Variants in HIP1 observed in about 807,000 individuals in gnomAD.
The protein encoded by HIP1 is huntingtin interacting protein 1.
Under a neutral mutation model 147.6 loss-of-function variants are expected in HIP1, and 65 were observed. The ratio of observed to expected loss-of-function variants is 0.44; its 90% CI spans 0.36 to 0.54. HIP1 has a LOEUF of 0.54. Among genes scored for constraint, HIP1 ranks in the 20% least tolerant of loss-of-function variants. HIP1 has a pLI of 0.00. For synonymous variants in HIP1, 479 were observed against 504.0 expected (o/e 0.95, Z 0.67); for missense variants, 1,061 against 1,299.6 (o/e 0.82, Z 2.82).
At chr7:75,585,005 C>T (rs1367389763) in intron 5 of HIP1, among the ~76,000 whole-genome samples, 8 of 149,908 alleles carry the variant, frequency 5.3e-5, no homozygotes, top group African/African-American at 9.8e-5. Context: ...CGTGTCACCA[C>T]GCCCAGCTAA....
At chr7:75,544,924 T>A (rs1794491538) in intron 26 of HIP1, 124 bp from the exon 27 acceptor site, 5 of 757,450 alleles carry the variant, frequency 6.6e-6, no homozygotes, top group Non-Finnish European at 9.0e-6. Flanking sequence ...CTGCCCTGTG[T>A]CCCCTGGGAG....
intron 26 of HIP1, 53 bp downstream of exon 26, chr7:75,545,035 G>A (rs1318418982): frequency 7.6e-6 from 8 of 1,056,778 alleles, no homozygotes; most frequent in African/African-American, 6.4e-5. Context: ...TGTTTGGAGT[G>A]GATCAATGGA....
Position 75,548,999 on chromosome 7 carries a change from C to A in HIP1, c.2298G>T (p.Glu766Asp). Residue 766 changes from glutamate (E) to aspartate (D), a missense_variant and splice_region_variant, in exon 23 of 31, where the codon GAG becomes GAT. Glu to Asp is a conservative substitution (Grantham distance 45). This residue lies in a region of HIP1 where 810 missense variants were observed against 946.8 expected (regional missense o/e 0.86). Transcript: ENST00000336926. ...CLSKIKAIGE[E>D]LLPRGLDIKQ... is the part of the protein sequence containing the mutation. Reference sequence around the variant, plus strand: ...TGATGTCCAGTCCCCTGGGCAGGAGCTCCTGTGAACACATCACAAAGGCTG... The same window carrying A: ...TGATGTCCAGTCCCCTGGGCAGGAGATCCTGTGAACACATCACAAAGGCTG... The A allele has an allele frequency of 1.2e-6, 2 of 1,608,196 alleles. No individual in the cohort carries two copies. The highest frequency in any genetic ancestry group is 1.7e-6 in the Non-Finnish European group (2 of 1,174,582).
chr7:75,730,838 G>A (rs1362085838), intron 1 of HIP1, among the ~76,000 whole-genome samples: 3 of 150,044 alleles, frequency 2.0e-5, no homozygotes, highest in Admixed American at 1.3e-4. Flanking sequence ...GGGTTCAAGC[G>A]ATCCTCCTGC....
intron 1 of HIP1, among the ~76,000 whole-genome samples, chr7:75,718,813 A>G (rs149924972): frequency 1.3e-4 from 20 of 152,266 alleles, no homozygotes; most frequent in African/African-American, 4.3e-4. Context: ...CAGTCCAGGT[A>G]AGCACCTCCT....
intron 30 of HIP1, among the ~76,000 whole-genome samples, chr7:75,538,795 C>G (rs1330907123): frequency 6.6e-6 from 1 of 151,990 alleles, no homozygotes; most frequent in Non-Finnish European, 1.5e-5. Context: ...AGGATGGTCT[C>G]GATCTCCTGA....
intron 1 of HIP1, among the ~76,000 whole-genome samples, chr7:75,615,399 G>A (rs1179606): frequency 0.28 from 42,067 of 151,752 alleles, 6,915 homozygotes; most frequent in African/African-American, 0.46. Context: ...TACAAAAAAT[G>A]AAAATTTAGC....
At position 75,577,425 on chromosome 7, in the gene HIP1, A is replaced by G. The variant is rs143278994; in HGVS notation, c.605-3524T>C. On this transcript the variant is annotated intron_variant, in intron 7 of 30. Transcript: ENST00000336926. ...CATTACATAGTGTTAACTTTCAGCT[A>G]CATGCTCTGGGAAACTCTAGGGTGA... Among the ~76,000 whole-genome samples, 125 of 152,232 alleles carry G rather than the reference A, an allele frequency of 8.2e-4. 1 individual carries two copies. The highest frequency in any genetic ancestry group is 2.7e-3 in the African/African-American group (113 of 41,548).
At chr7:75,641,685 C>T (rs1185789453) in intron 1 of HIP1, among the ~76,000 whole-genome samples, 1 of 151,904 alleles carries the variant, frequency 6.6e-6, no homozygotes, top group Admixed American at 6.6e-5. Flanking sequence ...ATAGTAGAGA[C>T]GGGGTTTCTC....
intron 5 of HIP1, among the ~76,000 whole-genome samples, chr7:75,583,367 G>C (rs1437527856): frequency 1.3e-5 from 2 of 152,164 alleles, no homozygotes; most frequent in Non-Finnish European, 2.9e-5. Flanking sequence ...GTGTCACTAT[G>C]CATTCACGCT....
chr7:75,638,682 G>C (rs1470451344), intron 1 of HIP1, among the ~76,000 whole-genome samples: 1 of 152,324 alleles, frequency 6.6e-6, no homozygotes, highest in Admixed American at 6.5e-5. Context: ...TCTCCTGTAG[G>C]TGTGCGGGCA....
At chr7:75,558,285 C>T in intron 14 of HIP1, 30 bp from the exon 15 acceptor site, 14 of 1,561,026 alleles carry the variant, frequency 9.0e-6, no homozygotes, top group African/African-American at 1.4e-5. Context: ...GGTGAGGAGT[C>T]TAACCTAGCA....
chr7:75,590,124 G>A (rs782794708), intron 4 of HIP1, among the ~76,000 whole-genome samples: 10 of 152,154 alleles, frequency 6.6e-5, no homozygotes, highest in Non-Finnish European at 1.3e-4. Flanking sequence ...CAGGCAGAAA[G>A]AAAGTGATCT....
chr7:75,604,857 C>T (rs193162774), intron 1 of HIP1, among the ~76,000 whole-genome samples: 17 of 152,222 alleles, frequency 1.1e-4, no homozygotes, highest in Admixed American at 3.9e-4. Context: ...CACACACACA[C>T]GCAAAAATCT....
intron 1 of HIP1, among the ~76,000 whole-genome samples, chr7:75,723,304 G>A (rs544146020): frequency 2.6e-5 from 4 of 152,172 alleles, no homozygotes; most frequent in East Asian, 1.9e-4. Flanking sequence ...CCCAGGAGGC[G>A]GAGGTTGCAG....
intron 1 of HIP1, among the ~76,000 whole-genome samples, chr7:75,630,544 G>C (rs1361943863): frequency 1.3e-5 from 2 of 151,448 alleles, no homozygotes; most frequent in Non-Finnish European, 1.5e-5. Flanking sequence ...TACTTTTCAA[G>C]CATCGACCAG....
intron 1 of HIP1, among the ~76,000 whole-genome samples, chr7:75,738,367 G>A (rs1173229102): frequency 6.6e-6 from 1 of 152,182 alleles, no homozygotes; most frequent in Non-Finnish European, 1.5e-5. Flanking sequence ...CGGAGGGGAA[G>A]AGAGGTCCCC....
chr7:75,560,491 A>T (rs1795189271), intron 13 of HIP1, among the ~76,000 whole-genome samples: 1 of 152,020 alleles, frequency 6.6e-6, no homozygotes, highest in Admixed American at 6.6e-5. Flanking sequence ...GGCTCAAGTG[A>T]TCCTTCTGCC....
intron 9 of HIP1, among the ~76,000 whole-genome samples, chr7:75,566,857 C>A (rs587732539): frequency 1.3e-5 from 2 of 151,284 alleles, no homozygotes; most frequent in East Asian, 3.8e-4. Flanking sequence ...CACAGTGACT[C>A]GCGCCGGTAA....
Sources: gnomAD v4.1 joint callset for allele counts (sites outside exome capture counted in the v4.1 genomes callset) on GRCh38, gnomAD v4.1.1 for gene constraint, gnomAD v4.1.1 regional missense constraint, MANE v1.5 for transcripts, NCBI Gene and HGNC (gene_info 2026-07-23, HGNC 2026-07-21) for gene names.